KCNIP4: variants seen among roughly 807,000 people sequenced by gnomAD.
KCNIP4 encodes Kv channel-interacting protein 4.
In KCNIP4, 12 loss-of-function variants were observed where a neutral mutation model predicts 34.0. The observed-to-expected ratio is 0.35, with a 90% CI of 0.23 to 0.57. The LOEUF is 0.57. Among genes scored for constraint, KCNIP4 ranks in the 20% least tolerant of loss-of-function variants. The pLI is 0.83. For synonymous variants in KCNIP4, 124 were observed against 102.2 expected (o/e 1.21, Z -1.29); for missense variants, 238 against 311.7 (o/e 0.76, Z 1.78).
chr4:20,880,864 C>T (rs1324436637), intron 2 of KCNIP4, among the ~76,000 whole-genome samples: 1 of 152,052 alleles, frequency 6.6e-6, no homozygotes, highest in Non-Finnish European at 1.5e-5. Flanking sequence ...TTCCAGGTTG[C>T]TGATGATGTT....
chr4:20,797,207 A>C (rs1713591673), intron 3 of KCNIP4, among the ~76,000 whole-genome samples: 1 of 152,242 alleles, frequency 6.6e-6, no homozygotes, highest in African/African-American at 2.4e-5. Context: ...CTGCTATAGA[A>C]GCTATTTCAG....
chr4:21,152,474 A>T (rs948045603), intron 1 of KCNIP4, among the ~76,000 whole-genome samples: 1 of 151,976 alleles, frequency 6.6e-6, no homozygotes, highest in Non-Finnish European at 1.5e-5. Context: ...TGCTTCTATC[A>T]CTGCCCCACC....
At chr4:21,253,174 C>A (rs1760839210) in intron 1 of KCNIP4, among the ~76,000 whole-genome samples, 1 of 152,204 alleles carries the variant, frequency 6.6e-6, no homozygotes, top group East Asian at 1.9e-4. Context: ...ACGGCAATTT[C>A]TTTTCTTTTT....
intron 1 of KCNIP4, among the ~76,000 whole-genome samples, chr4:21,045,163 G>A (rs1013979436): frequency 6.6e-6 from 1 of 152,154 alleles, no homozygotes; most frequent in Non-Finnish European, 1.5e-5. Context: ...GTGTCCTACA[G>A]GGAAATTTAA....
At chr4:21,912,322 A>C (rs1578137628) in intron 1 of KCNIP4, among the ~76,000 whole-genome samples, 1 of 152,288 alleles carries the variant, frequency 6.6e-6, no homozygotes, top group Admixed American at 6.5e-5. Flanking sequence ...GTGTGTGAAA[A>C]GTTTCATCAT....
intron 1 of KCNIP4, among the ~76,000 whole-genome samples, chr4:21,873,431 C>A (rs988989001): frequency 6.6e-6 from 1 of 152,116 alleles, no homozygotes; most frequent in Non-Finnish European, 1.5e-5. Flanking sequence ...CTCAAAAGAA[C>A]AATGCAAAAA....
chr4:20,812,103 G>A (rs1373652709), intron 3 of KCNIP4, among the ~76,000 whole-genome samples: 1 of 152,156 alleles, frequency 6.6e-6, no homozygotes, highest in Non-Finnish European at 1.5e-5. Context: ...TTACTTTTGG[G>A]GACATGTTTG....
chr4:21,094,993 G>A (rs12648421), intron 1 of KCNIP4, among the ~76,000 whole-genome samples: 24,521 of 152,070 alleles, frequency 0.16, 2,121 homozygotes, highest in African/African-American at 0.22. Context: ...ATGAAAAAAT[G>A]TTTACAATTG....
chr4:21,092,242 A>G (rs1191903766), intron 1 of KCNIP4, among the ~76,000 whole-genome samples: 4 of 152,150 alleles, frequency 2.6e-5, no homozygotes, highest in African/African-American at 9.7e-5. Context: ...ATATGTAGGT[A>G]CTGAGGTACC....
At chr4:21,519,556 GTATGTGTATA>G (rs1735212567) in intron 1 of KCNIP4, among the ~76,000 whole-genome samples, 2 of 58,218 alleles carry the variant, frequency 3.4e-5, no homozygotes, top group African/African-American at 1.8e-4. Flanking sequence ...ACATATGTGT[GTATGTGTATA>G]TATACACATA....
intron 1 of KCNIP4, among the ~76,000 whole-genome samples, chr4:21,428,018 G>T (rs905602486): frequency 6.6e-6 from 1 of 152,184 alleles, no homozygotes; most frequent in Non-Finnish European, 1.5e-5. Flanking sequence ...CGCAAGAATG[G>T]AGGGTAAAGG....
At chr4:21,528,640 C>A in intron 1 of KCNIP4, among the ~76,000 whole-genome samples, 1 of 148,204 alleles carries the variant, frequency 6.7e-6, no homozygotes, top group Non-Finnish European at 1.5e-5. Flanking sequence ...GAACTCCAGC[C>A]TGGGCGACAG....
At chr4:21,118,297 A>C (rs1433569527) in intron 1 of KCNIP4, among the ~76,000 whole-genome samples, 1 of 152,198 alleles carries the variant, frequency 6.6e-6, no homozygotes, top group African/African-American at 2.4e-5. Flanking sequence ...TGCAGCAATC[A>C]GCCTAGAGCA....
chr4:20,748,485 G>A (rs976732008), intron 5 of KCNIP4, among the ~76,000 whole-genome samples: 13 of 148,460 alleles, frequency 8.8e-5, no homozygotes, highest in Non-Finnish European at 1.9e-4. Flanking sequence ...CTTTATCAGA[G>A]CTCTCATCAA....
In KCNIP4 at chr4:21,895,726, A is replaced by C. The variant is rs1727346396; in HGVS notation, c.61+52845T>G. Among the ~76,000 whole-genome samples the C allele has an allele frequency of 2.0e-5, 3 of 152,180 alleles. No individual in the cohort carries two copies. In the South Asian group the frequency reaches 6.2e-4, roughly 31 times the overall value. ...CACAACAGGAAAGTGATTACACTATACTTTGCATGAACAAAAAGGAGCTAA... is the reference window on the plus strand; with the variant it reads ...CACAACAGGAAAGTGATTACACTATCCTTTGCATGAACAAAAAGGAGCTAA... On this transcript the variant is annotated intron_variant, in intron 1 of 8. Coordinates refer to ENST00000382152, the MANE Select transcript of KCNIP4 (RefSeq NM_025221.6).
At chr4:21,414,043 T>C (rs995325338) in intron 1 of KCNIP4, among the ~76,000 whole-genome samples, 18 of 152,020 alleles carry the variant, frequency 1.2e-4, no homozygotes, top group African/African-American at 4.3e-4. Flanking sequence ...ACACACAACA[T>C]TAACGAAAAA....
rs1029738618 is a variant in KCNIP4 at position 20,785,301 on chromosome 4, T to C, written c.289-26411A>G. On this transcript the variant is annotated intron_variant, in intron 3 of 8. Transcript: ENST00000382152. ...AGATCAATGACTGCTAGCACTTCCC[T>C]ACTTGCTTTTCTTTGGATTTTTTTT... Among the ~76,000 whole-genome samples the C allele has an allele frequency of 2.6e-5, 4 of 151,244 alleles. No individual in the cohort carries two copies. In the South Asian group the frequency reaches 8.4e-4, roughly 32 times the overall value.
intron 3 of KCNIP4, among the ~76,000 whole-genome samples, chr4:20,771,861 G>A (rs1424291379): frequency 6.6e-6 from 1 of 151,974 alleles, no homozygotes; most frequent in East Asian, 1.9e-4. Flanking sequence ...TAGTAGAGAC[G>A]GGGTTTCACC....
chr4:20,922,929 G>T (rs376301075), intron 1 of KCNIP4, among the ~76,000 whole-genome samples: 7 of 152,158 alleles, frequency 4.6e-5, no homozygotes, highest in African/African-American at 1.7e-4. Flanking sequence ...TAAAAATACA[G>T]TTTTTTACAG....
Sources: gnomAD v4.1 joint callset for allele counts (sites outside exome capture counted in the v4.1 genomes callset) on GRCh38, gnomAD v4.1.1 for gene constraint, MANE v1.5 for transcripts, NCBI Gene and HGNC (gene_info 2026-07-23, HGNC 2026-07-21) for gene names.